The following ABCA3 variants were observed in gnomAD, a reference collection of about 807,000 sequenced individuals.
The protein encoded by ABCA3 is phospholipid-transporting ATPase ABCA3.
A neutral mutation model predicts 172.8 loss-of-function variants in ABCA3; 88 were observed. The observed-to-expected ratio is 0.51, with a 90% CI of 0.43 to 0.61. The LOEUF is 0.61. ABCA3 is among the 20% of genes least tolerant of loss of function. ABCA3 has a pLI of 0.00. For missense variants in ABCA3, 2,164 were observed against 2,301.0 expected (o/e 0.94, Z 1.22); for synonymous variants, 1,066 against 983.8 (o/e 1.08, Z -1.56).
chr16:2,311,523 T>A (rs964342283), intron 10 of ABCA3, among the ~76,000 whole-genome samples: 1 of 147,510 alleles, frequency 6.8e-6, no homozygotes, highest in African/African-American at 2.6e-5. Context: ...GCAGTTTGGA[T>A]TTTTTTTTTA....
At chr16:2,334,868 GC>G (rs2093749300) in intron 1 of ABCA3, among the ~76,000 whole-genome samples, 1 of 142,430 alleles carries the variant, frequency 7.0e-6, no homozygotes, top group African/African-American at 2.6e-5. Context: ...CACTCTTGTT[GC>G]CCAGGCTGGA....
chr16:2,337,548 A>ATT (rs544223399), intron 1 of ABCA3, among the ~76,000 whole-genome samples: 101 of 125,218 alleles, frequency 8.1e-4, no homozygotes, highest in African/African-American at 2.5e-3. Flanking sequence ...TAATTGTTTG[A>ATT]TTTTTTTTTT....
Position 2,297,630 on chromosome 16 carries a change from G to A in ABCA3, c.2053-91C>T. 6.3e-7 allele frequency: 1 copy of A among 1,587,460 alleles called. No homozygotes were observed. Among genetic ancestry groups the A allele is most frequent in the Admixed American group, 1.7e-5 (1 of 58,392 alleles). On this transcript the variant is annotated intron_variant, in intron 16 of 32. Coordinates refer to ENST00000301732, the MANE Select transcript of ABCA3 (RefSeq NM_001089.3). This position sits in a 1 kb window ranked among gnomAD's most constrained non-coding sequence, Gnocchi z 5.6. Reference sequence around the variant, plus strand: ...GGTAGGCCCCATCGAGGGGTTCGCGGAGCCGGCTTGAGTCCTCCAAGGATG... The same window carrying A: ...GGTAGGCCCCATCGAGGGGTTCGCGAAGCCGGCTTGAGTCCTCCAAGGATG...
In ABCA3 at chr16:2,276,643, C is replaced by T; in HGVS notation, c.*31G>A. 6.2e-7 allele frequency: 1 copy of T among 1,610,922 alleles called. No individual in the cohort carries two copies. Among genetic ancestry groups the T allele is most frequent in the Non-Finnish European group, 8.5e-7 (1 of 1,179,828 alleles). On this transcript the variant is annotated 3_prime_UTR_variant, in exon 33 of 33. Transcript: ENST00000301732. ...GATGGGCCCTGCTTGCCCGTCCTGT[C>T]CCTGCCTGATGGCGAGACAGCCGCC... is the stretch of plus-strand genomic sequence containing the variant.
intron 11 of ABCA3, among the ~76,000 whole-genome samples, chr16:2,307,195 A>G (rs2093699282): frequency 6.6e-6 from 1 of 152,200 alleles, no homozygotes; most frequent in East Asian, 1.9e-4. Context: ...GCCATCACCA[A>G]TCAATACAGG....
At chr16:2,329,277 C>T in intron 2 of ABCA3, among the ~76,000 whole-genome samples, 1 of 152,098 alleles carries the variant, frequency 6.6e-6, no homozygotes, top group Non-Finnish European at 1.5e-5. Context: ...ATGAATAAAA[C>T]AGCAGTGACT....
chr16:2,321,982 G>A (rs1462519947), intron 7 of ABCA3, among the ~76,000 whole-genome samples: 3 of 152,118 alleles, frequency 2.0e-5, no homozygotes, highest in Non-Finnish European at 4.4e-5. Context: ...GGTGAATCAT[G>A]AGGTCAAGAG....
chr16:2,339,716 C>T (rs1466729531), intron 1 of ABCA3, among the ~76,000 whole-genome samples: 2 of 152,238 alleles, frequency 1.3e-5, no homozygotes, highest in African/African-American at 4.8e-5. Context: ...CGACGCCTTC[C>T]CGGAGTGCAC....
Position 2,297,665 on chromosome 16 carries a change from T to C in ABCA3, c.2052+101A>G. On this transcript the variant is annotated intron_variant, in intron 16 of 32. Transcript: ENST00000301732. The surrounding 1 kb of genome is among the most constrained non-coding windows in gnomAD (Gnocchi z 5.6). ...GAGTCCTCCAAGGATGGTGATGGCCTTGTCTGGGGTGTCAAGGGCCAAGGT... is the reference window on the plus strand; with the variant it reads ...GAGTCCTCCAAGGATGGTGATGGCCCTGTCTGGGGTGTCAAGGGCCAAGGT... 6.3e-7 allele frequency: 1 copy of C among 1,590,728 alleles called. No individual in the cohort carries two copies. The highest frequency in any genetic ancestry group is 1.3e-5 in the African/African-American group (1 of 74,640).
chr16:2,330,566 G>T (rs1466839525), intron 1 of ABCA3, among the ~76,000 whole-genome samples: 1 of 151,624 alleles, frequency 6.6e-6, no homozygotes, highest in South Asian at 2.1e-4. Flanking sequence ...GTGATCCGCC[G>T]ACCTTGGCCT....
In ABCA3 at chr16:2,281,540, G is replaced by T; in HGVS notation, c.4036-31C>A. The T allele has an allele frequency of 6.9e-7, 1 of 1,453,836 alleles. No individual in the cohort carries two copies. The highest frequency in any genetic ancestry group is 1.1e-5 in the South Asian group (1 of 89,356). The allele number at this position is 1,453,836 out of a possible 1,614,324, so 90.1% of individuals were successfully genotyped here. A position where few individuals can be genotyped will look rare whatever the true frequency, so the allele number is the denominator to read the frequency against. ...TGACCAGGACAAAGACCGCATGCGT[G>T]AACCCAGCCGCAGGGCGGCTTCCGT... On this transcript the variant is annotated intron_variant, in intron 26 of 32. Coordinates refer to ENST00000301732, the MANE Select transcript of ABCA3 (RefSeq NM_001089.3). The surrounding 1 kb of genome is among the most constrained non-coding windows in gnomAD (Gnocchi z 4.7).
In ABCA3 at chr16:2,318,445, T is replaced by C. The variant is rs550099621; in HGVS notation, c.874-681A>G. On this transcript the variant is annotated intron_variant, in intron 8 of 32. Transcript: ENST00000301732. Reference sequence around the variant, plus strand: ...GGCAGCCAGCAGCCAGGTGTGGCCGTTTCAACTGAAGTTAATTAAAAATAA... The same window carrying C: ...GGCAGCCAGCAGCCAGGTGTGGCCGCTTCAACTGAAGTTAATTAAAAATAA... Among the ~76,000 whole-genome samples, 5 of 152,302 alleles carry C rather than the reference T, an allele frequency of 3.3e-5. No individual in the cohort carries two copies. In the East Asian group the frequency reaches 9.6e-4, roughly 29 times the overall value.
intron 14 of ABCA3, among the ~76,000 whole-genome samples, chr16:2,298,887 G>A (rs903973784): frequency 6.6e-6 from 1 of 152,158 alleles, no homozygotes; most frequent in Non-Finnish European, 1.5e-5. Flanking sequence ...GCCAGTGGCC[G>A]GTGTGGTGCA....
rs869079770 is a variant in ABCA3, at chr16:2,310,423, CA to C, written c.1112-1801del. 2.3e-4 allele frequency among the ~76,000 whole-genome samples: 33 copies of C among 145,040 alleles called. 1 individual carries two copies. Among genetic ancestry groups the C allele is most frequent in the African/African-American group, 7.2e-4 (28 of 39,070 alleles). ...CTCTGTCTCAAAACAAACAAACAAA[CA>C]AAAAAACAAACAAACAAACAAAACA... is the stretch of plus-strand genomic sequence containing the variant. On this transcript the variant is annotated intron_variant, in intron 10 of 32. Coordinates refer to ENST00000301732, the MANE Select transcript of ABCA3 (RefSeq NM_001089.3).
rs141601251 is a variant in ABCA3 at position 2,326,053 on chromosome 16, G to A, written c.276C>T (p.Thr92=). 8.7e-6 allele frequency: 14 copies of A among 1,613,972 alleles called. No individual in the cohort carries two copies. Among genetic ancestry groups the A allele is most frequent in the African/African-American group, 6.7e-5 (5 of 74,914 alleles). Residue 92 remains threonine (T), a synonymous_variant, in exon 5 of 33, where the codon ACC becomes ACT. Transcript: ENST00000301732. ...GTGCCCTGCGCACTGTCTCAGTGAC[G>A]GTCTTGGCAGCGTCACTGTGAGAAG... The part of the protein sequence containing the change: ...YIPSHSDAAK[T]VTETVRRALV...
In ABCA3 at chr16:2,318,921, T is replaced by C. The variant is rs76145637; in HGVS notation, c.873+660A>G. On this transcript the variant is annotated intron_variant, in intron 8 of 32. Transcript: ENST00000301732. ...TCAGTAACCGTTTCACGTTTTGCCC[T>C]ATTTGTTTGATCTGTGTATCTGCAT... 2.6e-5 allele frequency among the ~76,000 whole-genome samples: 4 copies of C among 152,224 alleles called. No individual in the cohort carries two copies. The East Asian group carries it at 5.8e-4, about 22-fold the overall frequency.
intron 10 of ABCA3, among the ~76,000 whole-genome samples, chr16:2,315,215 C>T (rs911153325): frequency 7.3e-5 from 11 of 151,064 alleles, no homozygotes; most frequent in African/African-American, 2.4e-4. Context: ...CACACACACA[C>T]ACACACACAC....
At position 2,284,821 on chromosome 16, in the gene ABCA3, C is replaced by T; in HGVS notation, c.3661G>A (p.Gly1221Ser). The change falls in exon 24 of 33, where the codon GGC becomes AGC. Residue 1221 changes from glycine (G) to serine (S), a missense_variant. Coordinates refer to ENST00000301732, the MANE Select transcript of ABCA3 (RefSeq NM_001089.3). The surrounding 1 kb of genome is among the most constrained non-coding windows in gnomAD (Gnocchi z 5.9). ...TRLTIFNILS[G>S]IATFLMVTIM... is the part of the protein sequence containing the mutation. ...GTGACCATCAGGAAGGTGGCGATGC[C>T]TGACAGGATGTTGAAGATGGTCAGC... The T allele has an allele frequency of 6.2e-7, 1 of 1,613,934 alleles. No individual in the cohort carries two copies. The highest frequency in any genetic ancestry group is 8.5e-7 in the Non-Finnish European group (1 of 1,179,974).
chr16:2,313,478 A>C (rs149620152), intron 10 of ABCA3, among the ~76,000 whole-genome samples: 8,267 of 148,290 alleles, frequency 0.056, 325 homozygotes, highest in Non-Finnish European at 0.082. Flanking sequence ...GCTTGAACCC[A>C]GGCAGCAGAG....
Sources: gnomAD v4.1 joint callset for allele counts (sites outside exome capture counted in the v4.1 genomes callset) on GRCh38, gnomAD v4.1.1 for gene constraint, Gnocchi (gnomAD v3.1) non-coding constraint, MANE v1.5 for transcripts, NCBI Gene and HGNC (gene_info 2026-07-23, HGNC 2026-07-21) for gene names.